The following TRHDE variants were observed in gnomAD, a reference collection of about 807,000 sequenced individuals.
The protein encoded by TRHDE is thyrotropin-releasing hormone-degrading ectoenzyme.
A neutral mutation model predicts 125.7 loss-of-function variants in TRHDE; 72 were observed. That is an observed-to-expected ratio of 0.57 (90% CI 0.47 to 0.70). The LOEUF (loss-of-function observed/expected upper bound fraction) is 0.70. Among genes scored for constraint, TRHDE ranks in the 30% least tolerant of loss-of-function variants. The pLI, the probability that TRHDE is intolerant of heterozygous loss-of-function variation, is 0.00. For synonymous variants in TRHDE, 509 were observed against 509.1 expected (o/e 1.00, Z 0.00); for missense variants, 1,110 against 1,327.1 (o/e 0.84, Z 2.54).
At chr12:72,232,694 G>A (rs550728010) in intron 2 of TRHDE, among the ~76,000 whole-genome samples, 1 of 152,198 alleles carries the variant, frequency 6.6e-6, no homozygotes, top group Non-Finnish European at 1.5e-5. Flanking sequence ...TCTGACCTTT[G>A]CATTTGCCAT....
chr12:72,604,342 G>A (rs1872340234), intron 12 of TRHDE, among the ~76,000 whole-genome samples: 1 of 152,020 alleles, frequency 6.6e-6, no homozygotes, highest in Non-Finnish European at 1.5e-5. Flanking sequence ...TTAGTCCTAG[G>A]GGATGTGCCA....
chr12:72,133,661 TG>T (rs1360408762), intron 2 of TRHDE, among the ~76,000 whole-genome samples: 1 of 152,212 alleles, frequency 6.6e-6, no homozygotes, highest in Non-Finnish European at 1.5e-5. Flanking sequence ...GGTCCATCAC[TG>T]GGCCACTAGG....
At chr12:72,278,862 G>C (rs940788564) in intron 1 of TRHDE, among the ~76,000 whole-genome samples, 2 of 152,160 alleles carry the variant, frequency 1.3e-5, no homozygotes, top group African/African-American at 4.8e-5. Flanking sequence ...CAGATGTACA[G>C]ACTGCGAATA....
At chr12:72,196,891 T>C (rs1877456497) in intron 2 of TRHDE, among the ~76,000 whole-genome samples, 1 of 152,040 alleles carries the variant, frequency 6.6e-6, no homozygotes, top group Admixed American at 6.6e-5. Flanking sequence ...TGCCCCCTTT[T>C]ACAAAAAAGT....
At chr12:72,642,338 A>G (rs1874099150) in intron 15 of TRHDE, among the ~76,000 whole-genome samples, 1 of 152,228 alleles carries the variant, frequency 6.6e-6, no homozygotes, top group Non-Finnish European at 1.5e-5. Flanking sequence ...AACAAAGTTA[A>G]ATATATCAGT....
At chr12:72,582,162 C>T (rs1871265552) in intron 12 of TRHDE, 2 of 629,686 alleles carry the variant, frequency 3.2e-6, no homozygotes, top group South Asian at 1.4e-4. Flanking sequence ...ATCAGTAGTG[C>T]ATAATATATG....
intron 6 of TRHDE, among the ~76,000 whole-genome samples, chr12:72,510,945 C>A (rs1878557346): frequency 6.6e-6 from 1 of 152,132 alleles, no homozygotes; most frequent in Admixed American, 6.6e-5. Context: ...ATAATTGGCT[C>A]TAATATGTGA....
chr12:72,147,139 C>G (rs1415776759), intron 2 of TRHDE, among the ~76,000 whole-genome samples: 1 of 152,040 alleles, frequency 6.6e-6, no homozygotes, highest in Non-Finnish European at 1.5e-5. Flanking sequence ...GTGTGGTGGA[C>G]CAAAAGGCAA....
chr12:72,295,411 G>A (rs527829239), intron 2 of TRHDE, among the ~76,000 whole-genome samples: 5 of 152,230 alleles, frequency 3.3e-5, no homozygotes, highest in South Asian at 4.1e-4. Flanking sequence ...ATAGGAACAT[G>A]GTGTCTTCTG....
At chr12:72,294,560 G>A (rs1482993385) in intron 2 of TRHDE, among the ~76,000 whole-genome samples, 1 of 152,108 alleles carries the variant, frequency 6.6e-6, no homozygotes, top group East Asian at 1.9e-4. Flanking sequence ...GCTCAGCTCT[G>A]GCTGAGCATG....
chr12:72,642,352 A>G (rs1874099404), intron 15 of TRHDE, among the ~76,000 whole-genome samples: 1 of 152,312 alleles, frequency 6.6e-6, no homozygotes, highest in East Asian at 1.9e-4. Context: ...TATCAGTAAA[A>G]TATGAAAGTA....
At chr12:72,555,855 C>G (rs908495940) in intron 7 of TRHDE, among the ~76,000 whole-genome samples, 1 of 152,148 alleles carries the variant, frequency 6.6e-6, no homozygotes, top group Non-Finnish European at 1.5e-5. Context: ...TCATCTTACT[C>G]TAATAATGCA....
chr12:72,648,080 C>T (rs901169179), intron 15 of TRHDE, among the ~76,000 whole-genome samples: 2 of 151,990 alleles, frequency 1.3e-5, no homozygotes, highest in African/African-American at 2.4e-5. Context: ...CTCTGAGATG[C>T]GAGGATGCTT....
At chr12:72,192,739 G>A (rs1405008772) in intron 2 of TRHDE, among the ~76,000 whole-genome samples, 2 of 152,026 alleles carry the variant, frequency 1.3e-5, no homozygotes, top group Non-Finnish European at 2.9e-5. Flanking sequence ...TTGCTGTTAC[G>A]TTAAAAGGGA....
chr12:72,125,532 T>TC (rs1375627470), intron 2 of TRHDE, among the ~76,000 whole-genome samples: 1 of 152,198 alleles, frequency 6.6e-6, no homozygotes, highest in African/African-American at 2.4e-5. Flanking sequence ...TAATACTCCT[T>TC]TATCCCTCCA....
intron 15 of TRHDE, among the ~76,000 whole-genome samples, chr12:72,637,776 A>G (rs1873832085): frequency 6.6e-6 from 1 of 152,172 alleles, no homozygotes; most frequent in African/African-American, 2.4e-5. Flanking sequence ...GTAGTCATTC[A>G]GGAGCAGGTT....
At chr12:72,180,930 A>G (rs1186975820) in intron 2 of TRHDE, among the ~76,000 whole-genome samples, 3 of 152,144 alleles carry the variant, frequency 2.0e-5, no homozygotes, top group Non-Finnish European at 1.5e-5. Context: ...GTATACAACT[A>G]TGGTAAAACT....
At chr12:72,519,723 C>G (rs973511495) in intron 6 of TRHDE, among the ~76,000 whole-genome samples, 34 of 152,158 alleles carry the variant, frequency 2.2e-4, no homozygotes. Context: ...AGGTGCTCTG[C>G]TTTTTAGAGT....
intron 2 of TRHDE, among the ~76,000 whole-genome samples, chr12:72,178,058 C>G (rs776118728): frequency 2.8e-4 from 43 of 152,106 alleles, no homozygotes; most frequent in Non-Finnish European, 5.1e-4. Flanking sequence ...TGAGCAGTTT[C>G]TATGATATTG....
Sources: allele counts gnomAD v4.1 joint callset (sites outside exome capture counted in the v4.1 genomes callset), GRCh38; gene constraint gnomAD v4.1.1; transcripts MANE v1.5; gene names NCBI Gene and HGNC (gene_info 2026-07-23, HGNC 2026-07-21).